NRXN1: variants seen among roughly 807,000 people sequenced by gnomAD.
NRXN1 encodes neurexin 1.
NRXN1 carries 39 observed loss-of-function variants against 150.9 expected under a neutral mutation model. That is an observed-to-expected ratio of 0.26 (90% CI 0.20 to 0.34). The LOEUF (loss-of-function observed/expected upper bound fraction) is 0.34, where lower values mean the gene tolerates loss of function less well. Ranked by LOEUF, NRXN1 falls within the 10% of genes least tolerant of loss-of-function variation. The pLI, the probability that NRXN1 is intolerant of heterozygous loss-of-function variation, is 1.00. For missense variants in NRXN1, 1,815 were observed against 1,949.9 expected, an observed-to-expected ratio of 0.93 and a Z score of 1.30; for synonymous variants, 924 against 757.0, an observed-to-expected ratio of 1.22 and a Z score of -3.62.
rs368913283 is a variant in NRXN1, at chr2:50,788,187, C to T, written c.832+133682G>A. 7.9e-5 allele frequency among the ~76,000 whole-genome samples: 12 copies of T among 151,684 alleles called. No homozygotes were observed. In the East Asian group the frequency reaches 1.4e-3, roughly 17 times the overall value. On this transcript the variant is annotated intron_variant, in intron 5 of 22. Coordinates refer to ENST00000401669, the MANE Select transcript of NRXN1 (RefSeq NM_001330078.2). ...CTGTGAGCTCCGCCTCCTGGGTTCA[C>T]GCCATTCTCCTGCTTCTGCCTCCTG...
At chr2:49,992,710 C>T (rs1156444780) in intron 21 of NRXN1, among the ~76,000 whole-genome samples, 2 of 152,090 alleles carry the variant, frequency 1.3e-5, no homozygotes, top group Admixed American at 1.3e-4. Context: ...ATACAAAGAA[C>T]TCGTAAAACT....
At chr2:50,384,524 A>ATT (rs1355885613) in intron 17 of NRXN1, among the ~76,000 whole-genome samples, 1,542 of 147,830 alleles carry the variant, frequency 0.01, 49 homozygotes, top group African/African-American at 0.037. Flanking sequence ...AAAAAAAAAA[A>ATT]AAAAAAAAAA....
chr2:50,947,547 T>A (rs913483717), intron 2 of NRXN1, among the ~76,000 whole-genome samples: 3 of 151,894 alleles, frequency 2.0e-5, no homozygotes, highest in African/African-American at 7.2e-5. Flanking sequence ...CAAGATAATA[T>A]ACCCATTCAT....
chr2:50,879,196 A>G (rs1679062171), intron 5 of NRXN1, among the ~76,000 whole-genome samples: 1 of 151,896 alleles, frequency 6.6e-6, no homozygotes, highest in African/African-American at 2.4e-5. Context: ...AGACTGCAAT[A>G]TAGAAATTCT....
chr2:50,612,490 T>A (rs146833588), intron 8 of NRXN1, among the ~76,000 whole-genome samples: 1 of 152,214 alleles, frequency 6.6e-6, no homozygotes, highest in Non-Finnish European at 1.5e-5. Flanking sequence ...TTTTACTGTG[T>A]TCCTGATGCC....
At chr2:49,922,617 G>C (rs1558508603) in intron 22 of NRXN1, among the ~76,000 whole-genome samples, 1 of 152,168 alleles carries the variant, frequency 6.6e-6, no homozygotes, top group Non-Finnish European at 1.5e-5. Flanking sequence ...TATAATACTA[G>C]AGGGAATCAT....
At chr2:50,507,976 C>A (rs148687637) in intron 12 of NRXN1, among the ~76,000 whole-genome samples, 3 of 150,660 alleles carry the variant, frequency 2.0e-5, no homozygotes, top group Non-Finnish European at 4.4e-5. Context: ...AGTAAAGATA[C>A]AGGCCAAGGA....
chr2:50,350,984 G>A (rs1423644036), intron 17 of NRXN1, among the ~76,000 whole-genome samples: 1 of 152,158 alleles, frequency 6.6e-6, no homozygotes, highest in Non-Finnish European at 1.5e-5. Context: ...ATAAATGATT[G>A]TAATTTTGTG....
intron 18 of NRXN1, among the ~76,000 whole-genome samples, chr2:50,186,087 T>C (rs890269994): frequency 7.2e-5 from 11 of 152,080 alleles, no homozygotes; most frequent in African/African-American, 2.7e-4. Flanking sequence ...TAAAATATAT[T>C]GAAACTATCT....
intron 5 of NRXN1, among the ~76,000 whole-genome samples, chr2:50,714,584 T>C (rs577787731): frequency 1.3e-5 from 2 of 152,326 alleles, no homozygotes; most frequent in East Asian, 3.9e-4. Context: ...TGGTTCATTT[T>C]ATAGCACCAA....
chr2:50,825,361 T>C (rs1049153989), intron 5 of NRXN1, among the ~76,000 whole-genome samples: 3 of 152,282 alleles, frequency 2.0e-5, no homozygotes, highest in Admixed American at 6.5e-5. Context: ...TGGGGGCCAG[T>C]CACCAAGACC....
intron 8 of NRXN1, among the ~76,000 whole-genome samples, chr2:50,618,582 C>T (rs1383963456): frequency 1.3e-5 from 2 of 151,864 alleles, no homozygotes; most frequent in Non-Finnish European, 2.9e-5. Context: ...CAGACTTCCT[C>T]GATTAAGATT....
chr2:50,509,277 G>A (rs2092361878), intron 12 of NRXN1, among the ~76,000 whole-genome samples: 1 of 152,170 alleles, frequency 6.6e-6, no homozygotes, highest in East Asian at 1.9e-4. Flanking sequence ...TGGAACAAAG[G>A]AGATGGAAAA....
chr2:50,130,405 A>T (rs1705302258), intron 18 of NRXN1, among the ~76,000 whole-genome samples: 1 of 152,124 alleles, frequency 6.6e-6, no homozygotes, highest in African/African-American at 2.4e-5. Flanking sequence ...GCCCATAAAA[A>T]ACAGAACCCC....
At chr2:50,905,601 T>C (rs1226973966) in intron 5 of NRXN1, among the ~76,000 whole-genome samples, 4 of 152,104 alleles carry the variant, frequency 2.6e-5, no homozygotes, top group Non-Finnish European at 2.9e-5. Flanking sequence ...CCAATATTTC[T>C]AATGACACTG....
At chr2:50,753,271 G>T (rs1031626069) in intron 5 of NRXN1, among the ~76,000 whole-genome samples, 1 of 151,870 alleles carries the variant, frequency 6.6e-6, no homozygotes, top group African/African-American at 2.4e-5. Context: ...AAATTAAAAA[G>T]CAGAAGTGGT....
chr2:50,643,364 T>C (rs373958119), intron 5 of NRXN1, among the ~76,000 whole-genome samples: 72 of 152,122 alleles, frequency 4.7e-4, no homozygotes, highest in African/African-American at 1.6e-3. Flanking sequence ...ATTATTAGCA[T>C]GGAGCCTGGC....
chr2:50,829,673 A>G (rs1671112050), intron 5 of NRXN1: 1 of 1,611,178 alleles, frequency 6.2e-7, no homozygotes, highest in South Asian at 1.1e-5. Flanking sequence ...TAACAGGCTG[A>G]CACAGCGGAG....
intron 5 of NRXN1, among the ~76,000 whole-genome samples, chr2:50,648,338 G>C (rs746593709): frequency 2.0e-5 from 3 of 151,960 alleles, no homozygotes; most frequent in Non-Finnish European, 2.9e-5. Flanking sequence ...TTTTGTCAGG[G>C]AAAATCCCTT....
Sources: gnomAD v4.1 joint callset for allele counts (sites outside exome capture counted in the v4.1 genomes callset) on GRCh38, gnomAD v4.1.1 for gene constraint, MANE v1.5 for transcripts, NCBI Gene and HGNC (gene_info 2026-07-23, HGNC 2026-07-21) for gene names.